The following TENM2 variants were observed in gnomAD, a reference collection of about 807,000 sequenced individuals.
TENM2 encodes teneurin transmembrane protein 2, also known as teneurin-2.
A neutral mutation model predicts 245.2 loss-of-function variants in TENM2; 52 were observed. The observed-to-expected ratio is 0.21, with a 90% CI of 0.17 to 0.27. The LOEUF (loss-of-function observed/expected upper bound fraction) is 0.27. TENM2 is among the 10% of genes least tolerant of loss of function. The pLI is 1.00. For synonymous variants in TENM2, 1,363 were observed against 1,438.9 expected (o/e 0.95, Z 1.19); for missense variants, 3,046 against 3,666.8 (o/e 0.83, Z 4.37).
At chr5:167,143,606 T>C in the TENM2 span, among the ~76,000 whole-genome samples, 5 of 152,158 alleles carry the variant, frequency 3.3e-5, no homozygotes, top group Non-Finnish European at 5.9e-5. Flanking sequence ...AAGTGGTTGC[T>C]AGTAGCAGAT....
chr5:167,755,156 A>AGTTTTCTCCATGG, intron 2 of TENM2: 2 of 1,599,050 alleles, frequency 1.3e-6, no homozygotes, highest in Non-Finnish European at 1.7e-6. Context: ...TCAGTCTGTG[A>AGTTTTCTCCATGG]GTTTTCTCCA....
exon 27 of TENM2, chr5:168,246,807 C>G: frequency 6.2e-7 from 1 of 1,614,004 alleles, no homozygotes; most frequent in South Asian, 1.1e-5. Context: ...TTGAGTATGA[C>G]TCCTCTGACC....
intron 2 of TENM2, among the ~76,000 whole-genome samples, chr5:167,657,884 C>T (rs76895050): frequency 0.011 from 1,731 of 152,324 alleles, 19 homozygotes; most frequent in Middle Eastern, 0.017. Flanking sequence ...GAGCCACATG[C>T]ATCTATATTA....
At chr5:167,247,188 G>T in the TENM2 span, among the ~76,000 whole-genome samples, 1 of 152,082 alleles carries the variant, frequency 6.6e-6, no homozygotes, top group African/African-American at 2.4e-5. Flanking sequence ...GCTTTCTATA[G>T]ATGAGAAAGC....
At chr5:167,985,462 G>A (rs1583572743) in intron 4 of TENM2, among the ~76,000 whole-genome samples, 1 of 152,098 alleles carries the variant, frequency 6.6e-6, no homozygotes, top group East Asian at 1.9e-4. Flanking sequence ...TAAGACTTTT[G>A]CTGTATTTCA....
chr5:167,380,770 A>C (rs1761055047), intron 2 of TENM2, among the ~76,000 whole-genome samples: 1 of 152,134 alleles, frequency 6.6e-6, no homozygotes. Context: ...CAGTACTTTA[A>C]CTTCAGTTGA....
intron 2 of TENM2, among the ~76,000 whole-genome samples, chr5:167,839,321 A>G (rs1460980159): frequency 2.0e-5 from 3 of 152,214 alleles, no homozygotes; most frequent in Non-Finnish European, 4.4e-5. Flanking sequence ...TCAACGAACA[A>G]ATAATTTCAC....
chr5:167,573,439 A>C (rs188023820), intron 2 of TENM2, among the ~76,000 whole-genome samples: 7 of 152,146 alleles, frequency 4.6e-5, no homozygotes, highest in African/African-American at 7.2e-5. Context: ...CAGACACTGC[A>C]CTGTGGCTTT....
intron 2 of TENM2, among the ~76,000 whole-genome samples, chr5:167,432,978 T>C (rs1228731325): frequency 6.6e-6 from 1 of 152,174 alleles, no homozygotes; most frequent in African/African-American, 2.4e-5. Context: ...TTAAGGAAAA[T>C]CTGAGAATTT....
chr5:168,197,720 A>G lies in TENM2; in HGVS notation c.2901-1133A>G, dbSNP rs531421148. ...ATCCCAAAAAAAAAAAAAAAAAAAGATGAAATTCTAGAGGGGAGGTAAAAT... is the reference window on the plus strand; with the variant it reads ...ATCCCAAAAAAAAAAAAAAAAAAAGGTGAAATTCTAGAGGGGAGGTAAAAT... On this transcript the variant is annotated intron_variant, in intron 15 of 28. Coordinates refer to ENST00000518659, the Ensembl canonical transcript of TENM2. 3.8e-4 allele frequency among the ~76,000 whole-genome samples: 55 copies of G among 146,326 alleles called. No individual in the cohort carries two copies. The South Asian group carries it at 0.011, about 30-fold the overall frequency.
At chr5:167,293,219 A>C (rs1268854995) in intron 1 of TENM2, among the ~76,000 whole-genome samples, 1 of 151,962 alleles carries the variant, frequency 6.6e-6, no homozygotes, top group Non-Finnish European at 1.5e-5. Flanking sequence ...TGTTTGTTTT[A>C]AGGCAGAGCT....
chr5:167,704,419 A>C (rs920882788), intron 2 of TENM2, among the ~76,000 whole-genome samples: 2 of 152,198 alleles, frequency 1.3e-5, no homozygotes, highest in African/African-American at 2.4e-5. Flanking sequence ...TTCATTTAAT[A>C]CAAACGCGTA....
chr5:167,810,502 T>C (rs1342705982), intron 2 of TENM2, among the ~76,000 whole-genome samples: 1 of 152,010 alleles, frequency 6.6e-6, no homozygotes, highest in African/African-American at 2.4e-5. Context: ...AGGCTGAAAT[T>C]TTGACAGCTT....
chr5:168,149,430 G>T (rs550452175), intron 12 of TENM2: 4 of 457,132 alleles, frequency 8.8e-6, no homozygotes, highest in African/African-American at 2.0e-5. Flanking sequence ...AGGGGTAGTT[G>T]GTGGGGAGTG....
intron 2 of TENM2, among the ~76,000 whole-genome samples, chr5:167,618,190 T>C (rs1777917645): frequency 6.6e-6 from 1 of 152,112 alleles, no homozygotes; most frequent in Non-Finnish European, 1.5e-5. Flanking sequence ...TTGCAGGTAT[T>C]CCCTCGCTTT....
intron 2 of TENM2, among the ~76,000 whole-genome samples, chr5:167,862,241 A>ATGTGTGTGTG (rs138403142): frequency 2.6e-3 from 382 of 148,530 alleles, no homozygotes; most frequent in African/African-American, 9.0e-3. Context: ...AATTTAGAGT[A>ATGTGTGTGTG]TGTGTGTGTG....
the TENM2 span, among the ~76,000 whole-genome samples, chr5:167,232,593 A>C: frequency 1.3e-5 from 2 of 151,908 alleles, no homozygotes; most frequent in African/African-American, 2.4e-5. Context: ...GGCTTGTCTC[A>C]AACTCCTGAC....
At chr5:167,500,296 T>C (rs968297393) in intron 2 of TENM2, among the ~76,000 whole-genome samples, 2 of 152,080 alleles carry the variant, frequency 1.3e-5, no homozygotes, top group African/African-American at 4.8e-5. Context: ...TGATAATTCC[T>C]GCAGCCTTTG....
intron 2 of TENM2, among the ~76,000 whole-genome samples, chr5:167,384,995 C>A (rs1412413900): frequency 2.6e-5 from 4 of 152,126 alleles, no homozygotes; most frequent in African/African-American, 9.7e-5. Context: ...AGGGAGTGTT[C>A]CTTACAGTGC....
Sources: allele counts gnomAD v4.1 joint callset (sites outside exome capture counted in the v4.1 genomes callset), GRCh38; gene constraint gnomAD v4.1.1; transcripts MANE v1.5; gene names NCBI Gene and HGNC (gene_info 2026-07-23, HGNC 2026-07-21).